Variants in TRPC6 observed in about 807,000 individuals in gnomAD.
The protein encoded by TRPC6 is short transient receptor potential channel 6.
TRPC6 carries 55 observed loss-of-function variants against 90.7 expected under a neutral mutation model. The observed-to-expected ratio is 0.61, with a 90% CI of 0.49 to 0.76. The LOEUF (loss-of-function observed/expected upper bound fraction) is 0.76, where lower values mean the gene tolerates loss of function less well. TRPC6 is among the 30% of genes least tolerant of loss of function. The pLI, the probability that TRPC6 is intolerant of heterozygous loss-of-function variation, is 0.00. For synonymous variants in TRPC6, 393 were observed against 393.0 expected (o/e 1.00, Z 0.00); for missense variants, 989 against 1,122.7 (o/e 0.88, Z 1.70).
intron 1 of TRPC6, among the ~76,000 whole-genome samples, chr11:101,565,375 C>T (rs1861806401): frequency 6.6e-6 from 1 of 152,028 alleles, no homozygotes; most frequent in Non-Finnish European, 1.5e-5. Context: ...CCCTAAAAAT[C>T]TTGGGTGATT....
At chr11:101,499,202 T>C (rs11224790) in intron 2 of TRPC6, among the ~76,000 whole-genome samples, 70,007 of 151,932 alleles carry the variant, frequency 0.46, 16,504 homozygotes, top group African/African-American at 0.55. Context: ...AATGATTCCT[T>C]ATATTATTCT....
intron 10 of TRPC6, among the ~76,000 whole-genome samples, chr11:101,461,610 A>C (rs929002259): frequency 4.6e-5 from 7 of 152,158 alleles, no homozygotes; most frequent in Non-Finnish European, 4.4e-5. Flanking sequence ...TGAGTTGAAT[A>C]CCTTTTGGAG....
intron 10 of TRPC6, among the ~76,000 whole-genome samples, chr11:101,463,418 G>A (rs190773829): frequency 5.8e-4 from 88 of 152,250 alleles, no homozygotes; most frequent in African/African-American, 2.0e-3. Flanking sequence ...GGTAGAATCT[G>A]GCTATGAATC....
At chr11:101,526,316 A>G (rs926007402) in intron 1 of TRPC6, among the ~76,000 whole-genome samples, 2 of 152,220 alleles carry the variant, frequency 1.3e-5, no homozygotes, top group African/African-American at 4.8e-5. Flanking sequence ...AAATGGTATT[A>G]CATGCTGAAC....
intron 1 of TRPC6, among the ~76,000 whole-genome samples, chr11:101,582,118 A>G (rs1050853370): frequency 6.6e-5 from 10 of 152,262 alleles, no homozygotes; most frequent in Non-Finnish European, 1.5e-4. Flanking sequence ...AAAAAGAAAA[A>G]CATATACATA....
chr11:101,483,244 T>A, intron 4 of TRPC6, 79 bp from the exon 5 acceptor site: 1 of 1,370,362 alleles, frequency 7.3e-7, no homozygotes, highest in East Asian at 2.3e-5. Context: ...CATGCAAGAA[T>A]AAACATCTGC....
intron 1 of TRPC6, among the ~76,000 whole-genome samples, chr11:101,531,765 A>G (rs1171262038): frequency 6.6e-6 from 1 of 152,174 alleles, no homozygotes. Context: ...TAGTATTGAC[A>G]TTATATATTA....
At chr11:101,532,860 G>A (rs776956300) in intron 1 of TRPC6, among the ~76,000 whole-genome samples, 5 of 152,132 alleles carry the variant, frequency 3.3e-5, no homozygotes, top group Non-Finnish European at 5.9e-5. Context: ...CAAGAACAAA[G>A]GTTCTTGAGA....
At chr11:101,510,141 T>C (rs960049568) in intron 1 of TRPC6, among the ~76,000 whole-genome samples, 1 of 152,080 alleles carries the variant, frequency 6.6e-6, no homozygotes, top group East Asian at 1.9e-4. Flanking sequence ...GGAGAAGCAA[T>C]AAAAGATTCT....
intron 1 of TRPC6, among the ~76,000 whole-genome samples, chr11:101,544,661 A>G (rs1388953687): frequency 1.3e-5 from 2 of 152,040 alleles, no homozygotes; most frequent in Non-Finnish European, 2.9e-5. Context: ...GTTCTCACTC[A>G]TAAGTGGGAG....
At chr11:101,473,920 G>T in intron 6 of TRPC6, 147 bp from the exon 7 acceptor site, 1 of 1,081,196 alleles carries the variant, frequency 9.2e-7, no homozygotes, top group Non-Finnish European at 1.3e-6. Context: ...TTAAGTGTCT[G>T]CTAGAGTTGA....
chr11:101,491,790 C>T lies in TRPC6; in HGVS notation c.946-52G>A, dbSNP rs773541832. On this transcript the variant is annotated intron_variant, in intron 2 of 12. Transcript: ENST00000344327. ...CAATAATGGAGAATACCACGTTTTA[C>T]TATGCTTCAGAGACTTGAAGGATTT... 7 of 1,395,778 alleles carry T rather than the reference C, an allele frequency of 5.0e-6. No homozygotes were observed. The South Asian group carries it at 6.9e-5, about 14-fold the overall frequency. 86.5% of individuals were successfully genotyped at this position (1,395,778 alleles called of 1,614,324 possible). A position where few individuals can be genotyped will look rare whatever the true frequency, so the allele number is the denominator to read the frequency against.
chr11:101,455,278 GT>G, intron 10 of TRPC6, 177 bp from the exon 11 acceptor site: 1 of 584,714 alleles, frequency 1.7e-6, no homozygotes, highest in East Asian at 3.0e-5. Flanking sequence ...CATTTTAGGT[GT>G]GTTCAGTTTG....
chr11:101,548,649 A>C (rs1861380943), intron 1 of TRPC6, among the ~76,000 whole-genome samples: 1 of 150,374 alleles, frequency 6.7e-6, no homozygotes, highest in East Asian at 2.0e-4. Context: ...ACTTCAAGAG[A>C]TGCTGCATCC....
chr11:101,495,607 ATTATT>A (rs1424329546), intron 2 of TRPC6, among the ~76,000 whole-genome samples: 1 of 144,276 alleles, frequency 6.9e-6, no homozygotes, highest in East Asian at 1.9e-4. Context: ...TATTATTATT[ATTATT>A]ATTATTATTA....
chr11:101,469,100 G>C (rs1015138262), intron 10 of TRPC6, among the ~76,000 whole-genome samples: 1 of 152,180 alleles, frequency 6.6e-6, no homozygotes, highest in African/African-American at 2.4e-5. Context: ...CTCTACCTGA[G>C]CTGCAAAGAG....
intron 2 of TRPC6, among the ~76,000 whole-genome samples, chr11:101,502,014 T>C (rs1860139615): frequency 1.3e-5 from 2 of 152,310 alleles, no homozygotes; most frequent in South Asian, 4.1e-4. Context: ...AAGGTATGCA[T>C]GTCCAGAGGC....
intron 1 of TRPC6, 69 bp downstream of exon 1, chr11:101,583,265 A>C: frequency 6.6e-7 from 1 of 1,516,474 alleles, no homozygotes; most frequent in Non-Finnish European, 8.8e-7. Context: ...GGACTCGGCC[A>C]CTCCTGCGAG....
At position 101,512,264 on chromosome 11, in the gene TRPC6, T is replaced by G. The variant is rs182794049; in HGVS notation, c.171-7466A>C. ...CATCACACCCTGCCTTAGTATTCTA[T>G]GAATGAAATGGTAAGAGCCTGAGCT... On this transcript the variant is annotated intron_variant, in intron 1 of 12. Transcript: ENST00000344327. 3.9e-5 allele frequency among the ~76,000 whole-genome samples: 6 copies of G among 152,298 alleles called. No individual in the cohort carries two copies. The East Asian group carries it at 9.7e-4, about 25-fold the overall frequency.
Sources: allele counts gnomAD v4.1 joint callset (sites outside exome capture counted in the v4.1 genomes callset), GRCh38; gene constraint gnomAD v4.1.1; transcripts MANE v1.5; gene names NCBI Gene and HGNC (gene_info 2026-07-23, HGNC 2026-07-21).